SERF2: variants seen among roughly 807,000 people sequenced by gnomAD.
The protein encoded by SERF2 is small EDRK-rich factor 2, also known as gastric cancer-related protein VRG107.
Under a neutral mutation model 10.7 loss-of-function variants are expected in SERF2, and 4 were observed. That is an observed-to-expected ratio of 0.37 (90% confidence interval 0.18 to 0.86). SERF2 has a LOEUF of 0.86. Ranked by LOEUF, SERF2 falls within the 40% of genes least tolerant of loss-of-function variation. The pLI is 0.43. For synonymous variants in SERF2, 26 were observed against 26.0 expected, an observed-to-expected ratio of 1.00 and a Z score of 0.01; for missense variants, 47 against 79.1, an observed-to-expected ratio of 0.59 and a Z score of 1.54.
chr15:43,779,148 C>T (rs548266898), intron 1 of SERF2, among the ~76,000 whole-genome samples: 1 of 152,056 alleles, frequency 6.6e-6, no homozygotes, highest in African/African-American at 2.4e-5. Flanking sequence ...GTGGGCAGTT[C>T]GTTTATGGTA....
Position 43,792,348 on chromosome 15 carries a change from G to A in SERF2, c.-29G>A, listed in dbSNP as rs1420264180. On this transcript the variant is annotated 5_prime_UTR_variant, in exon 1 of 3. Coordinates refer to ENST00000249786, the MANE Select transcript of SERF2 (RefSeq NM_001018108.4). ...GTCCGACAGAACGAGGGGACGTAAC[G>A]GAGGCAGGTTGGAGCCGCTGCCGTC... 12 of 1,572,306 alleles carry A rather than the reference G, an allele frequency of 7.6e-6. No homozygotes were observed. Among genetic ancestry groups the A allele is most frequent in the Non-Finnish European group, 1.8e-6 (2 of 1,142,132 alleles).
exon 1 of SERF2, chr15:43,777,364 C>T (rs1015833557): frequency 9.4e-6 from 3 of 320,820 alleles, no homozygotes; most frequent in Non-Finnish European, 1.9e-5. Context: ...GCGGGCTCAG[C>T]GGTTCGCGCC....
upstream of SERF2, among the ~76,000 whole-genome samples, chr15:43,788,259 G>A (rs1436711470): frequency 6.6e-6 from 1 of 151,958 alleles, no homozygotes; most frequent in Non-Finnish European, 1.5e-5. Context: ...GATCCTCCCT[G>A]TCGGCTTCCC....
Position 43,795,170 on chromosome 15 carries a change from A to C in SERF2, c.*1397A>C. The C allele has an allele frequency of 2.5e-6, 4 of 1,614,172 alleles. No individual in the cohort carries two copies. Among genetic ancestry groups the C allele is most frequent in the Non-Finnish European group, 3.4e-6 (4 of 1,180,032 alleles). On this transcript the variant is annotated 3_prime_UTR_variant, in exon 3 of 3. Transcript: ENST00000249786. ...GCAACCTTGACCCAGAAGGTGGCCC[A>C]GCTACCCTTGATGAAGGTCTTTTCC...
At chr15:43,782,560 T>C (rs936061651) in intron 1 of SERF2, among the ~76,000 whole-genome samples, 2 of 152,192 alleles carry the variant, frequency 1.3e-5, no homozygotes, top group Non-Finnish European at 2.9e-5. Context: ...CTTAGATATA[T>C]GGCTCCAGAG....
intron 2 of SERF2, chr15:43,793,482 G>T: frequency 7.9e-7 from 1 of 1,271,998 alleles, no homozygotes; most frequent in South Asian, 1.6e-5. Context: ...GAGACCCTTG[G>T]GCCTGTGTCA....
At chr15:43,785,641 C>T (rs1052481056) in intron 2 of SERF2, 1 of 151,524 alleles carries the variant, frequency 6.6e-6, no homozygotes, top group African/African-American at 2.4e-5. Flanking sequence ...CCTGTGTCTC[C>T]GATTTTCTTG....
At position 43,795,699 on chromosome 15, in the gene SERF2, T is replaced by G; in HGVS notation, c.*1926T>G. The G allele has an allele frequency of 6.2e-7, 1 of 1,614,078 alleles. No homozygotes were observed. Among genetic ancestry groups the G allele is most frequent in the Non-Finnish European group, 8.5e-7 (1 of 1,179,950 alleles). ...CACTTGGCACTCACCTTTGTCTGCC[T>G]CCACTGTTTCAGGGCAGCAGAAACA... On this transcript the variant is annotated 3_prime_UTR_variant, in exon 3 of 3. Transcript: ENST00000249786.
rs551605847 is a variant in SERF2 at position 43,793,429 on chromosome 15, C to T, written c.117-281C>T. 41 of 777,956 alleles carry T rather than the reference C, an allele frequency of 5.3e-5. No individual in the cohort carries two copies. The African/African-American group carries it at 7.0e-4, about 13-fold the overall frequency. The allele number at this position is 777,956 out of a possible 1,614,324, so 48.2% of individuals were successfully genotyped here. On this transcript the variant is annotated intron_variant, in intron 2 of 2. Coordinates refer to ENST00000249786, the MANE Select transcript of SERF2 (RefSeq NM_001018108.4). ...GTTCGGTTCTCCTCCCTTCTCCCAACCTCCTCACTGGTGTTGCTGGGTGTG... is the reference window on the plus strand; with the variant it reads ...GTTCGGTTCTCCTCCCTTCTCCCAATCTCCTCACTGGTGTTGCTGGGTGTG...
At position 43,795,759 on chromosome 15, in the gene SERF2, T is replaced by C; in HGVS notation, c.*1986T>C. The stretch of plus-strand genomic sequence containing the variant: ...CTTCTGCAAAACAGAACGCAGGTTT[T>C]GGAATGGTCTTAAAAGATGTGAGGG... On this transcript the variant is annotated 3_prime_UTR_variant, in exon 3 of 3. Coordinates refer to ENST00000249786, the MANE Select transcript of SERF2 (RefSeq NM_001018108.4). The C allele has an allele frequency of 6.2e-7, 1 of 1,612,140 alleles. No individual in the cohort carries two copies. The highest frequency in any genetic ancestry group is 8.5e-7 in the Non-Finnish European group (1 of 1,178,876).
At chr15:43,785,510 C>T (rs2086999403) in exon 2 of SERF2, 1 of 152,102 alleles carries the variant, frequency 6.6e-6, no homozygotes, top group Admixed American at 6.6e-5. Flanking sequence ...CCCATCTCAG[C>T]CTCCTGAGTA....
chr15:43,793,380 C>T (rs959627327), intron 2 of SERF2: 1 of 599,900 alleles, frequency 1.7e-6, no homozygotes, highest in Non-Finnish European at 2.9e-6. Flanking sequence ...TTACGGCAGC[C>T]CAGTACTTTT....
At position 43,795,801 on chromosome 15, in the gene SERF2, T is replaced by C. The variant is rs1274782956; in HGVS notation, c.*2028T>C. ...ATGTGAGGGTGTTAATCTAGGAAAC[T>C]TCCCCCGTGAAAAGATTGGTCTAGT... is the stretch of plus-strand genomic sequence containing the variant. On this transcript the variant is annotated 3_prime_UTR_variant, in exon 3 of 3. Transcript: ENST00000249786. 6.5e-7 allele frequency: 1 copy of C among 1,536,208 alleles called. No homozygotes were observed.
At chr15:43,785,862 C>G (rs1006290699) in intron 2 of SERF2, among the ~76,000 whole-genome samples, 1 of 151,576 alleles carries the variant, frequency 6.6e-6, no homozygotes, top group Non-Finnish European at 1.5e-5. Flanking sequence ...CATGCCACCA[C>G]GCCCCACTAA....
intron 1 of SERF2, among the ~76,000 whole-genome samples, chr15:43,783,016 T>C (rs1239382512): frequency 6.8e-6 from 1 of 148,100 alleles, no homozygotes; most frequent in East Asian, 2.0e-4. Flanking sequence ...GGCTTTTTTT[T>C]TTTTTTTTTT....
rs924844763 is a variant in SERF2 at position 43,795,431 on chromosome 15, G to A, written c.*1658G>A. 1 of 1,614,184 alleles carries A rather than the reference G, an allele frequency of 6.2e-7. No individual in the cohort carries two copies. The highest frequency in any genetic ancestry group is 1.7e-5 in the Admixed American group (1 of 60,028). ...GTAACCATGACATAGAGTGAGGCAA[G>A]GAAGAAGACGAAGTGGAAGGCAGAA... On this transcript the variant is annotated 3_prime_UTR_variant, in exon 3 of 3. Coordinates refer to ENST00000249786, the MANE Select transcript of SERF2 (RefSeq NM_001018108.4).
chr15:43,791,844 C>G (rs1029730976), upstream of SERF2: 1 of 158,402 alleles, frequency 6.3e-6, no homozygotes, highest in Non-Finnish European at 1.4e-5. Flanking sequence ...TGATTTTAAG[C>G]GAGCTGTGAA....
upstream of SERF2, among the ~76,000 whole-genome samples, chr15:43,788,661 C>A (rs548701888): frequency 2.3e-3 from 350 of 152,268 alleles, 1 homozygote; most frequent in Middle Eastern, 6.8e-3. Context: ...GTAATCCATT[C>A]TCTACTGGTA....
rs919562211 is a variant in SERF2 at position 43,794,813 on chromosome 15, T to C, written c.*1040T>C. The C allele has an allele frequency of 3.5e-6, 2 of 564,996 alleles. No homozygotes were observed. The highest frequency in any genetic ancestry group is 6.3e-6 in the Non-Finnish European group (2 of 318,578). The allele number at this position is 564,996 out of a possible 1,614,324, so 35.0% of individuals were successfully genotyped here. On this transcript the variant is annotated 3_prime_UTR_variant, in exon 3 of 3. Coordinates refer to ENST00000249786, the MANE Select transcript of SERF2 (RefSeq NM_001018108.4). ...GATGCAGATGTAACAGTAGCTCCAG[T>C]GAGTCAGACACTCTGCCCAGCACAT... is the stretch of plus-strand genomic sequence containing the variant.
Sources: gnomAD v4.1 joint callset for allele counts (sites outside exome capture counted in the v4.1 genomes callset) on GRCh38, gnomAD v4.1.1 for gene constraint, MANE v1.5 for transcripts, NCBI Gene and HGNC (gene_info 2026-07-23, HGNC 2026-07-21) for gene names.